The following AKAP8L variants were observed in gnomAD, a reference collection of about 807,000 sequenced individuals.
AKAP8L encodes A-kinase anchor protein 8-like.
AKAP8L carries 34 observed loss-of-function variants against 77.5 expected under a neutral mutation model. That is an observed-to-expected ratio of 0.44 (90% CI 0.33 to 0.58). AKAP8L has a LOEUF of 0.58. Ranked by LOEUF, AKAP8L falls within the 20% of genes least tolerant of loss-of-function variation. The pLI, the probability that AKAP8L is intolerant of heterozygous loss-of-function variation, is 0.02. For synonymous variants in AKAP8L, 342 were observed against 340.7 expected, an observed-to-expected ratio of 1.00 and a Z score of -0.04; for missense variants, 806 against 887.6, an observed-to-expected ratio of 0.91 and a Z score of 1.17.
Position 15,401,446 on chromosome 19 carries a change from CGTT to C in AKAP8L, c.517_519del (p.Asn173del), listed in dbSNP as rs1967897428. 6.2e-7 allele frequency: 1 copy of C among 1,613,678 alleles called. No individual in the cohort carries two copies. Among genetic ancestry groups the C allele is most frequent in the African/African-American group, 1.3e-5 (1 of 75,064 alleles). ...CCCTGTGCCCTGGGACCGAAGGTGT[CGTT>C]GCCACGCATGCGGAACTGGTCGCGG... On this transcript the variant is annotated inframe_deletion, in exon 5 of 14. Transcript: ENST00000397410. This position sits in a 1 kb window ranked among gnomAD's most constrained non-coding sequence, Gnocchi z 6.2.
intron 12 of AKAP8L, chr19:15,383,907 C>CCAT (rs1052234911): frequency 2.0e-5 from 3 of 150,786 alleles, no homozygotes; most frequent in African/African-American, 7.3e-5. Flanking sequence ...GAACATTCCT[C>CCAT]CATTCATTAA....
intron 12 of AKAP8L, among the ~76,000 whole-genome samples, chr19:15,387,483 T>C (rs1418293075): frequency 6.6e-6 from 1 of 151,822 alleles, no homozygotes; most frequent in East Asian, 1.9e-4. Flanking sequence ...AGTTAAACAC[T>C]GATAGCTTTG....
intron 12 of AKAP8L, among the ~76,000 whole-genome samples, chr19:15,392,995 G>A (rs7252812): frequency 0.8 from 120,643 of 151,408 alleles, 48,320 homozygotes; most frequent in East Asian, 0.99. Context: ...CTCAGTAAAT[G>A]AAAAGACATC....
intron 1 of AKAP8L, 36 bp from the exon 2 acceptor site, chr19:15,410,630 C>G (rs776023850): frequency 5.2e-6 from 8 of 1,524,930 alleles, no homozygotes; most frequent in Non-Finnish European, 6.3e-6. Flanking sequence ...TTTCCACAAG[C>G]AAGTCACAGG....
chr19:15,406,362 G>GAGA (rs1967996710), intron 2 of AKAP8L, among the ~76,000 whole-genome samples: 1 of 89,364 alleles, frequency 1.1e-5, no homozygotes, highest in Non-Finnish European at 2.1e-5. Flanking sequence ...GAAATTTTAA[G>GAGA]GAGAGAGAGA....
At chr19:15,386,985 C>A (rs551130342) in intron 12 of AKAP8L, among the ~76,000 whole-genome samples, 1 of 152,294 alleles carries the variant, frequency 6.6e-6, no homozygotes, top group Admixed American at 6.5e-5. Context: ...CATCCCGCCC[C>A]CAGCTACCTG....
At chr19:15,406,904 T>C (rs1599615458) in intron 2 of AKAP8L, among the ~76,000 whole-genome samples, 4 of 152,346 alleles carry the variant, frequency 2.6e-5, no homozygotes, top group Admixed American at 2.6e-4. Flanking sequence ...TGACATATCA[T>C]GTAAGCATAT....
chr19:15,396,351 C>G (rs1201255066), intron 12 of AKAP8L, among the ~76,000 whole-genome samples: 1 of 152,126 alleles, frequency 6.6e-6, no homozygotes, highest in Non-Finnish European at 1.5e-5. Flanking sequence ...AGCCCCTTCA[C>G]CCCCACCTGC....
At chr19:15,406,442 A>G (rs1005162387) in intron 2 of AKAP8L, among the ~76,000 whole-genome samples, 4 of 148,284 alleles carry the variant, frequency 2.7e-5, no homozygotes, top group Non-Finnish European at 6.0e-5. Flanking sequence ...TTAAATATAT[A>G]CATATATATG....
rs1490980932 is a variant in AKAP8L at position 15,418,786 on chromosome 19, C to A, written c.13+125G>T. ...CCCTGAGGCGACGGGCCAGCGGCGC[C>A]ATTTTGTGACCGCAGGGAAGGCAGT... On this transcript the variant is annotated intron_variant, in intron 1 of 13. Transcript: ENST00000397410. 7.4e-6 allele frequency: 7 copies of A among 943,624 alleles called. No homozygotes were observed. In the African/African-American group the frequency reaches 1.2e-4, roughly 16 times the overall value. 58.5% of individuals were successfully genotyped at this position (943,624 alleles called of 1,614,324 possible). A position where few individuals can be genotyped will look rare whatever the true frequency, so the allele number is the denominator to read the frequency against.
intron 12 of AKAP8L, among the ~76,000 whole-genome samples, chr19:15,391,520 TG>T (rs1555697835): frequency 4.4e-4 from 3 of 6,804 alleles, no homozygotes; most frequent in African/African-American, 3.2e-3. Context: ...CATTATTTTA[TG>T]TTTTTATTTT....
chr19:15,384,037 A>G (rs1967474761), intron 12 of AKAP8L, among the ~76,000 whole-genome samples: 1 of 145,536 alleles, frequency 6.9e-6, no homozygotes, highest in African/African-American at 2.6e-5. Flanking sequence ...GGTTCAAGCA[A>G]TTCTCTGCTT....
intron 12 of AKAP8L, among the ~76,000 whole-genome samples, chr19:15,395,844 C>T (rs879570059): frequency 1.0e-4 from 15 of 143,814 alleles, no homozygotes; most frequent in Non-Finnish European, 2.3e-4. Flanking sequence ...ATTAGCCGGG[C>T]GTGGTAGCGG....
At position 15,403,549 on chromosome 19, in the gene AKAP8L, G is replaced by A; in HGVS notation, c.288C>T (p.Asn96=). The change falls in exon 4 of 14, where the codon AAC becomes AAT. Residue 96 remains asparagine (N), a synonymous_variant. Coordinates refer to ENST00000397410, the MANE Select transcript of AKAP8L (RefSeq NM_014371.4). The surrounding 1 kb of genome is among the most constrained non-coding windows in gnomAD (Gnocchi z 4.3). Reference sequence around the variant, plus strand: ...AATGCGGCACCATATCTAAGCGCTGGTTAATTCTGGATAAAACGGAATCGG... The same window carrying A: ...AATGCGGCACCATATCTAAGCGCTGATTAATTCTGGATAAAACGGAATCGG... The part of the protein sequence containing the change: ...ASADSVLSRI[N]QRLDMVPHLE... 6.2e-7 allele frequency: 1 copy of A among 1,613,976 alleles called. No individual in the cohort carries two copies. The highest frequency in any genetic ancestry group is 8.5e-7 in the Non-Finnish European group (1 of 1,179,886).
Position 15,403,477 on chromosome 19 carries a change from T to G in AKAP8L, c.360A>C (p.Glu120Asp). The change falls in exon 4 of 14, where the codon GAA becomes GAC. Residue 120 changes from glutamate (E) to aspartate (D), a missense_variant and splice_region_variant. By Grantham distance (45) the Glu-to-Asp change is conservative. Transcript: ENST00000397410. The surrounding 1 kb of genome is among the most constrained non-coding windows in gnomAD (Gnocchi z 4.3). ...MQGGVYGSGGERYDSYESCDS... is the reference protein window; with the variant it reads ...MQGGVYGSGGDRYDSYESCDS... ...CCCCTAGGCAGGTGTCCACTCACCTTTCTCCACCTGAGCCGTACACGCCTC... is the reference window on the plus strand; with the variant it reads ...CCCCTAGGCAGGTGTCCACTCACCTGTCTCCACCTGAGCCGTACACGCCTC... 1 of 1,613,864 alleles carries G rather than the reference T, an allele frequency of 6.2e-7. No homozygotes were observed.
At position 15,385,229 on chromosome 19, in the gene AKAP8L, G is replaced by A. The variant is rs180758673; in HGVS notation, c.1537-4617C>T. On this transcript the variant is annotated intron_variant, in intron 12 of 13. Coordinates refer to ENST00000397410, the MANE Select transcript of AKAP8L (RefSeq NM_014371.4). ...CCTGACCTCGTGATCCGCCCGCCTC[G>A]GCCTCCCAAAGTGCTGGGACTACAG... is the stretch of plus-strand genomic sequence containing the variant. Among the ~76,000 whole-genome samples the A allele has an allele frequency of 9.1e-4, 137 of 151,272 alleles. 1 individual carries two copies. The highest frequency in any genetic ancestry group is 3.2e-3 in the African/African-American group (130 of 41,122).
intron 1 of AKAP8L, among the ~76,000 whole-genome samples, chr19:15,418,611 C>T (rs113874177): frequency 0.037 from 5,579 of 152,182 alleles, 375 homozygotes; most frequent in African/African-American, 0.13. Context: ...GAGCGCAGGC[C>T]AGGGACGGAG....
chr19:15,401,568 A>C lies in AKAP8L; in HGVS notation c.398T>G (p.Val133Gly). 1 of 1,610,662 alleles carries C rather than the reference A, an allele frequency of 6.2e-7. No homozygotes were observed. The highest frequency in any genetic ancestry group is 8.5e-7 in the Non-Finnish European group (1 of 1,178,764). Residue 133 changes from valine (V) to glycine (G), a missense_variant, in exon 5 of 14, where the codon GTC becomes GGC. Transcript: ENST00000397410. The surrounding 1 kb of genome is among the most constrained non-coding windows in gnomAD (Gnocchi z 6.2). The part of the protein sequence containing the change: ...DSYESCDSRA[V>G]LSERDLYRSG... ...CCGGTACAGGTCGCGCTCACTCAGG[A>C]CGGCCCTCGAGTCGCAGGACTCATA...
intron 2 of AKAP8L, among the ~76,000 whole-genome samples, chr19:15,407,818 T>C (rs1027772637): frequency 2.0e-5 from 3 of 152,228 alleles, no homozygotes; most frequent in African/African-American, 7.2e-5. Context: ...CTATAGATTC[T>C]ACAGATTTGA....
Sources: allele counts gnomAD v4.1 joint callset (sites outside exome capture counted in the v4.1 genomes callset), GRCh38; gene constraint gnomAD v4.1.1; non-coding constraint Gnocchi (gnomAD v3.1); transcripts MANE v1.5; gene names NCBI Gene and HGNC (gene_info 2026-07-23, HGNC 2026-07-21).